RBFOX1: variants seen among roughly 807,000 people sequenced by gnomAD.
The protein encoded by RBFOX1 is RNA binding fox-1 homolog 1, also known as RNA binding protein fox-1 homolog 1.
A neutral mutation model predicts 57.7 loss-of-function variants in RBFOX1; 8 were observed. That is an observed-to-expected ratio of 0.14 (90% CI 0.08 to 0.25). RBFOX1 has a LOEUF of 0.25. Among genes scored for constraint, RBFOX1 ranks in the 10% least tolerant of loss-of-function variants. The pLI is 1.00. For synonymous variants in RBFOX1, 326 were observed against 222.4 expected (o/e 1.47, Z -4.15); for missense variants, 611 against 548.5 (o/e 1.11, Z -1.14).
intron 4 of RBFOX1, among the ~76,000 whole-genome samples, chr16:5,942,893 A>G (rs973828480): frequency 3.3e-5 from 5 of 152,136 alleles, no homozygotes; most frequent in African/African-American, 1.2e-4. Context: ...TGCCATCTTT[A>G]TTGTTGATTC....
chr16:5,578,750 A>G (rs563589383), intron 2 of RBFOX1, among the ~76,000 whole-genome samples: 2 of 152,206 alleles, frequency 1.3e-5, no homozygotes, highest in East Asian at 1.9e-4. Flanking sequence ...TGAAGGCTAA[A>G]TGAAGATAAA....
chr16:7,411,851 C>T lies in RBFOX1; in HGVS notation c.28-106296C>T, dbSNP rs1157840351. ...CCAGGAAGCAGTGGTTGTGGTGAGC[C>T]AAGATCATGCCATTGCATTCCAGCC... is the stretch of plus-strand genomic sequence containing the variant. On this transcript the variant is annotated intron_variant, in intron 4 of 15. Transcript: ENST00000550418. Among the ~76,000 whole-genome samples the T allele has an allele frequency of 4.2e-5, 6 of 142,266 alleles. No homozygotes were observed. The Admixed American group carries it at 4.5e-4, about 11-fold the overall frequency. 93.3% of individuals were successfully genotyped at this position (142,266 alleles called of 152,430 possible).
chr16:7,025,055 G>A (rs927664000), intron 3 of RBFOX1, among the ~76,000 whole-genome samples: 1 of 152,142 alleles, frequency 6.6e-6, no homozygotes, highest in Non-Finnish European at 1.5e-5. Flanking sequence ...CGCAAGACAA[G>A]AGTTGAGGGC....
chr16:5,850,262 C>A (rs1207425646), intron 3 of RBFOX1, among the ~76,000 whole-genome samples: 1 of 152,080 alleles, frequency 6.6e-6, no homozygotes, highest in Non-Finnish European at 1.5e-5. Flanking sequence ...TCTGAAATCT[C>A]CTGGAGTAAT....
intron 1 of RBFOX1, among the ~76,000 whole-genome samples, chr16:5,314,576 C>T (rs1470421322): frequency 6.6e-6 from 1 of 152,208 alleles, no homozygotes; most frequent in East Asian, 1.9e-4. Context: ...TCACAGCTCA[C>T]TGCGGCCTTG....
intron 4 of RBFOX1, among the ~76,000 whole-genome samples, chr16:7,390,788 A>G (rs528142501): frequency 3.2e-4 from 48 of 152,298 alleles, no homozygotes; most frequent in Admixed American, 1.4e-3. Context: ...TTTTCTTTCC[A>G]TTTATAAGAA....
chr16:6,790,508 G>T (rs900120914), intron 3 of RBFOX1, among the ~76,000 whole-genome samples: 2 of 151,972 alleles, frequency 1.3e-5, no homozygotes, highest in Non-Finnish European at 2.9e-5. Context: ...TTTTTGTTTT[G>T]TTTGCATCAT....
chr16:5,955,670 C>A (rs2059623750), intron 4 of RBFOX1, among the ~76,000 whole-genome samples: 1 of 152,080 alleles, frequency 6.6e-6, no homozygotes, highest in African/African-American at 2.4e-5. Context: ...TGATAGACTT[C>A]ACCACATTGA....
chr16:5,847,059 A>T (rs2056774857), intron 3 of RBFOX1, among the ~76,000 whole-genome samples: 1 of 152,156 alleles, frequency 6.6e-6, no homozygotes, highest in South Asian at 2.1e-4. Flanking sequence ...TGAACCCACT[A>T]GCTCTCTTGT....
chr16:5,448,550 G>C (rs1197181248), intron 1 of RBFOX1, among the ~76,000 whole-genome samples: 1 of 152,156 alleles, frequency 6.6e-6, no homozygotes, highest in Non-Finnish European at 1.5e-5. Context: ...GGTCTCCTCT[G>C]TGCAGGCAGG....
At chr16:5,951,643 C>T (rs2059521973) in intron 4 of RBFOX1, among the ~76,000 whole-genome samples, 1 of 152,078 alleles carries the variant, frequency 6.6e-6, no homozygotes, top group Non-Finnish European at 1.5e-5. Flanking sequence ...CACTTATCAG[C>T]AGAAACAGTC....
At chr16:6,842,265 T>C (rs1190075361) in intron 3 of RBFOX1, among the ~76,000 whole-genome samples, 1 of 152,138 alleles carries the variant, frequency 6.6e-6, no homozygotes, top group Non-Finnish European at 1.5e-5. Flanking sequence ...CTGTGGCATA[T>C]ATTTTTCTGT....
intron 3 of RBFOX1, among the ~76,000 whole-genome samples, chr16:5,801,267 T>C (rs2055045783): frequency 6.6e-6 from 1 of 152,096 alleles, no homozygotes; most frequent in Non-Finnish European, 1.5e-5. Flanking sequence ...GGCTGATCTA[T>C]CTAATTTACA....
At chr16:7,103,655 A>G (rs772914033) in intron 4 of RBFOX1, among the ~76,000 whole-genome samples, 6 of 152,198 alleles carry the variant, frequency 3.9e-5, no homozygotes, top group Non-Finnish European at 8.8e-5. Context: ...TGTTAAGTAC[A>G]TGTCTTGTTT....
At chr16:7,469,830 C>G (rs1285737378) in intron 4 of RBFOX1, among the ~76,000 whole-genome samples, 5 of 152,174 alleles carry the variant, frequency 3.3e-5, no homozygotes, top group African/African-American at 1.2e-4. Context: ...CCATTAAACA[C>G]TAATTTCATC....
At chr16:7,406,960 C>T (rs958965084) in intron 4 of RBFOX1, among the ~76,000 whole-genome samples, 8 of 152,172 alleles carry the variant, frequency 5.3e-5, no homozygotes, top group Non-Finnish European at 1.2e-4. Context: ...TCTGTCTCTG[C>T]CTCTGCGTTT....
chr16:5,248,274 C>T (rs767264795), intron 1 of RBFOX1, among the ~76,000 whole-genome samples: 1 of 152,276 alleles, frequency 6.6e-6, no homozygotes, highest in Non-Finnish European at 1.5e-5. Context: ...GTGTTTGCCT[C>T]AAAAGCTCTT....
intron 3 of RBFOX1, among the ~76,000 whole-genome samples, chr16:6,730,172 C>G (rs529758630): frequency 6.6e-6 from 1 of 152,064 alleles, no homozygotes; most frequent in Non-Finnish European, 1.5e-5. Context: ...AATTATAACT[C>G]TTTACCCATA....
At chr16:7,567,739 C>CTA (rs377459798) in intron 5 of RBFOX1, among the ~76,000 whole-genome samples, 124,823 of 138,594 alleles carry the variant, frequency 0.9, 56,872 homozygotes, top group Non-Finnish European at 0.97. Flanking sequence ...TATATAATCC[C>CTA]TATATATATC....
Sources: gnomAD v4.1 joint callset for allele counts (sites outside exome capture counted in the v4.1 genomes callset) on GRCh38, gnomAD v4.1.1 for gene constraint, MANE v1.5 for transcripts, NCBI Gene and HGNC (gene_info 2026-07-23, HGNC 2026-07-21) for gene names.